Variants in SYNDIG1 observed in about 807,000 individuals in gnomAD.
SYNDIG1 encodes synapse differentiation-inducing gene protein 1.
SYNDIG1 carries 9 observed loss-of-function variants against 19.4 expected under a neutral mutation model. The ratio of observed to expected loss-of-function variants is 0.46; its 90% confidence interval spans 0.28 to 0.81. The LOEUF (loss-of-function observed/expected upper bound fraction) is 0.81, where lower values mean the gene tolerates loss of function less well. Ranked by LOEUF, SYNDIG1 falls within the 30% of genes least tolerant of loss-of-function variation. The probability of loss-of-function intolerance (pLI) is 0.12; values close to 1 mark genes in which losing one functional copy is unlikely to be tolerated. For missense variants in SYNDIG1, 311 were observed against 343.3 expected, an observed-to-expected ratio of 0.91 and a Z score of 0.74; for synonymous variants, 141 against 145.9, an observed-to-expected ratio of 0.97 and a Z score of 0.24.
chr20:24,645,183 CTGG>C (rs1277535412), intron 3 of SYNDIG1, among the ~76,000 whole-genome samples: 1 of 152,232 alleles, frequency 6.6e-6, no homozygotes, highest in African/African-American at 2.4e-5. Flanking sequence ...CTGCTCTCTC[CTGG>C]TGGTGAAGTG....
intron 2 of SYNDIG1, among the ~76,000 whole-genome samples, chr20:24,583,197 G>A (rs1343068751): frequency 6.6e-6 from 1 of 152,226 alleles, no homozygotes; most frequent in Non-Finnish European, 1.5e-5. Context: ...CCCAGCTTCT[G>A]CTAGTAAGGA....
intron 3 of SYNDIG1, among the ~76,000 whole-genome samples, chr20:24,596,672 C>T (rs1293907178): frequency 1.3e-5 from 2 of 152,210 alleles, no homozygotes; most frequent in Non-Finnish European, 2.9e-5. Flanking sequence ...AGCCACCGGG[C>T]CTGGCCTCCA....
intron 3 of SYNDIG1, among the ~76,000 whole-genome samples, chr20:24,641,207 A>G (rs1373590664): frequency 1.3e-5 from 2 of 152,196 alleles, no homozygotes; most frequent in South Asian, 2.1e-4. Context: ...AAGTAGCATT[A>G]ATGGTTTCAC....
At chr20:24,534,697 C>T (rs189325125) in intron 1 of SYNDIG1, among the ~76,000 whole-genome samples, 2 of 152,346 alleles carry the variant, frequency 1.3e-5, no homozygotes, top group African/African-American at 4.8e-5. Flanking sequence ...TGCAGGGTCC[C>T]TGCTGGTGGT....
chr20:24,514,452 A>G (rs896886566), intron 1 of SYNDIG1, among the ~76,000 whole-genome samples: 4 of 152,168 alleles, frequency 2.6e-5, no homozygotes, highest in Admixed American at 6.6e-5. Flanking sequence ...AATGGAAAAC[A>G]AAAAAAGGCA....
chr20:24,519,741 A>G (rs1006941116), intron 1 of SYNDIG1, among the ~76,000 whole-genome samples: 1 of 152,100 alleles, frequency 6.6e-6, no homozygotes, highest in African/African-American at 2.4e-5. Flanking sequence ...CCCTCAGTGC[A>G]TAGTGGATTT....
intron 3 of SYNDIG1, among the ~76,000 whole-genome samples, chr20:24,661,375 AGAGGGAGGGAG>A: frequency 9.3e-6 from 1 of 107,594 alleles, no homozygotes; most frequent in Non-Finnish European, 2.0e-5. Context: ...AACCGAGGGA[AGAGGGAGGGAG>A]GAAAGAGGGA....
intron 1 of SYNDIG1, among the ~76,000 whole-genome samples, chr20:24,528,334 A>T (rs2057170985): frequency 6.6e-6 from 1 of 152,178 alleles, no homozygotes; most frequent in Non-Finnish European, 1.5e-5. Flanking sequence ...GATTTGTGAT[A>T]TTTCTGCTCA....
At chr20:24,513,657 C>T (rs2056798264) in intron 1 of SYNDIG1, among the ~76,000 whole-genome samples, 1 of 152,118 alleles carries the variant, frequency 6.6e-6, no homozygotes, top group Non-Finnish European at 1.5e-5. Context: ...TATTGGTGTA[C>T]CTGAAAGTGA....
At chr20:24,626,539 C>A (rs1409631528) in intron 3 of SYNDIG1, among the ~76,000 whole-genome samples, 7 of 151,512 alleles carry the variant, frequency 4.6e-5, no homozygotes, top group Non-Finnish European at 1.0e-4. Context: ...AGAGGCACTC[C>A]TCACTTCCTA....
chr20:24,661,187 G>T (rs1160216643), intron 3 of SYNDIG1, among the ~76,000 whole-genome samples: 1 of 152,152 alleles, frequency 6.6e-6, no homozygotes, highest in African/African-American at 2.4e-5. Flanking sequence ...CTGGGGGTGG[G>T]GGCGGGGAGG....
intron 3 of SYNDIG1, among the ~76,000 whole-genome samples, chr20:24,594,274 A>G (rs2058560121): frequency 6.6e-6 from 1 of 152,114 alleles, no homozygotes; most frequent in African/African-American, 2.4e-5. Context: ...TTATCCTATC[A>G]CCATTTATTG....
chr20:24,543,033 C>T lies in SYNDIG1; in HGVS notation c.-65C>T. On this transcript the variant is annotated 5_prime_UTR_variant, in exon 2 of 4. Transcript: ENST00000376862. ...CTCCTCCTCCAGGAGAAATGGCTTC[C>T]CTGAGGCAAGTGTAACCTACATTCC... is the stretch of plus-strand genomic sequence containing the variant. 1 of 1,559,096 alleles carries T rather than the reference C, an allele frequency of 6.4e-7. No homozygotes were observed. Among genetic ancestry groups the T allele is most frequent in the Non-Finnish European group, 8.7e-7 (1 of 1,150,308 alleles).
intron 1 of SYNDIG1, among the ~76,000 whole-genome samples, chr20:24,505,147 T>C (rs2056556401): frequency 6.6e-6 from 1 of 152,030 alleles, no homozygotes; most frequent in Non-Finnish European, 1.5e-5. Context: ...TGAGTGGTCA[T>C]CGGCACAGGG....
intron 3 of SYNDIG1, among the ~76,000 whole-genome samples, chr20:24,659,537 C>T (rs570580570): frequency 1.3e-5 from 2 of 152,200 alleles, no homozygotes; most frequent in Non-Finnish European, 2.9e-5. Context: ...GGAGCCTTTC[C>T]CTTAGCAGCT....
chr20:24,581,906 C>A (rs1050900147), intron 2 of SYNDIG1, among the ~76,000 whole-genome samples: 5 of 151,226 alleles, frequency 3.3e-5, no homozygotes, highest in African/African-American at 1.2e-4. Flanking sequence ...CTCCTCCCTT[C>A]ACATCCTCTG....
At chr20:24,562,494 C>A (rs1472271046) in intron 2 of SYNDIG1, among the ~76,000 whole-genome samples, 1 of 152,104 alleles carries the variant, frequency 6.6e-6, no homozygotes, top group Non-Finnish European at 1.5e-5. Flanking sequence ...AAATAAAAAT[C>A]AATATCTTTA....
At chr20:24,494,818 C>G (rs547890728) in intron 1 of SYNDIG1, among the ~76,000 whole-genome samples, 5 of 152,306 alleles carry the variant, frequency 3.3e-5, no homozygotes, top group African/African-American at 1.2e-4. Flanking sequence ...TGAGAGAGGA[C>G]CTGGTGGCCT....
chr20:24,659,421 G>C (rs1568721642), intron 3 of SYNDIG1, among the ~76,000 whole-genome samples: 2 of 152,332 alleles, frequency 1.3e-5, no homozygotes, highest in South Asian at 2.1e-4. Flanking sequence ...CCTGGGCCCT[G>C]TCTGGGCACT....
Sources: gnomAD v4.1 joint callset for allele counts (sites outside exome capture counted in the v4.1 genomes callset) on GRCh38, gnomAD v4.1.1 for gene constraint, MANE v1.5 for transcripts, NCBI Gene and HGNC (gene_info 2026-07-23, HGNC 2026-07-21) for gene names.